The following EMCN variants were observed in gnomAD, a reference collection of about 807,000 sequenced individuals.
The protein encoded by EMCN is MUC-14.
Under a neutral mutation model 38.4 loss-of-function variants are expected in EMCN, and 37 were observed. The ratio of observed to expected loss-of-function variants is 0.96; its 90% CI spans 0.74 to 1.27. The LOEUF (loss-of-function observed/expected upper bound fraction) is 1.27, where lower values mean the gene tolerates loss of function less well. Ranked by LOEUF, EMCN falls within the 50% of genes most tolerant of loss-of-function variation. EMCN has a pLI of 0.00. For synonymous variants in EMCN, 95 were observed against 100.8 expected, an observed-to-expected ratio of 0.94 and a Z score of 0.35; for missense variants, 318 against 302.8, an observed-to-expected ratio of 1.05 and a Z score of -0.37.
Position 100,417,899 on chromosome 4 carries a change from C to T in EMCN, c.665-758G>A, listed in dbSNP as rs960359748. ...GTTCCCCTTGTTGTGCTCCTTTGGT[C>T]TGGTTTTATTCCATTGCAGCTTCTG... On this transcript the variant is annotated intron_variant, in intron 8 of 11. Transcript: ENST00000296420. Among the ~76,000 whole-genome samples the T allele has an allele frequency of 5.9e-5, 9 of 152,276 alleles. No homozygotes were observed. The East Asian group carries it at 1.7e-3, about 29-fold the overall frequency.
Position 100,490,482 on chromosome 4 carries a change from A to T in EMCN, c.65-10443T>A, listed in dbSNP as rs144279749. 4.7e-4 allele frequency among the ~76,000 whole-genome samples: 71 copies of T among 152,236 alleles called. 1 individual carries two copies. Among genetic ancestry groups the T allele is most frequent in the African/African-American group, 1.6e-3 (66 of 41,556 alleles). On this transcript the variant is annotated intron_variant, in intron 1 of 11. Coordinates refer to ENST00000296420, the MANE Select transcript of EMCN (RefSeq NM_016242.4). Reference sequence around the variant, plus strand: ...CTTCACATTCACTGGCCACTCACTCACTGACTCACCCAGGGCAACTTCCAG... The same window carrying T: ...CTTCACATTCACTGGCCACTCACTCTCTGACTCACCCAGGGCAACTTCCAG...
At chr4:100,421,095 G>A (rs34038967) in intron 8 of EMCN, among the ~76,000 whole-genome samples, 187 bp downstream of exon 8, 24,647 of 151,858 alleles carry the variant, frequency 0.16, 2,576 homozygotes, top group African/African-American at 0.29. Context: ...ATAGTATTTA[G>A]TTCCCACTCT....
chr4:100,401,508 T>C (rs774650449), intron 11 of EMCN, among the ~76,000 whole-genome samples: 1 of 152,164 alleles, frequency 6.6e-6, no homozygotes, highest in Non-Finnish European at 1.5e-5. Flanking sequence ...TCCACCTCCA[T>C]GAATACAGAG....
intron 2 of EMCN, among the ~76,000 whole-genome samples, chr4:100,477,441 C>T (rs751921718): frequency 6.6e-6 from 1 of 152,180 alleles, no homozygotes; most frequent in Non-Finnish European, 1.5e-5. Context: ...GGGTGAATCT[C>T]TGAGAGCAAG....
intron 5 of EMCN, 85 bp downstream of exon 5, chr4:100,447,448 C>G: frequency 1.1e-6 from 1 of 940,590 alleles, no homozygotes; most frequent in South Asian, 1.4e-5. Flanking sequence ...TCTCCCTGCC[C>G]CCAAACTGAT....
chr4:100,471,564 A>C (rs112268854), intron 3 of EMCN, among the ~76,000 whole-genome samples: 2 of 152,070 alleles, frequency 1.3e-5, no homozygotes, highest in Non-Finnish European at 2.9e-5. Flanking sequence ...TTAGTAGAGA[A>C]GGGAACACTT....
intron 5 of EMCN, among the ~76,000 whole-genome samples, chr4:100,444,733 C>T (rs6850667): frequency 0.41 from 61,779 of 151,822 alleles, 13,389 homozygotes; most frequent in East Asian, 0.77. Flanking sequence ...TGCATACTCA[C>T]GCTTGGAGCA....
chr4:100,515,667 T>C (rs1390623893), intron 1 of EMCN, among the ~76,000 whole-genome samples: 1 of 152,062 alleles, frequency 6.6e-6, no homozygotes, highest in Non-Finnish European at 1.5e-5. Context: ...AATGCCTCCC[T>C]CCTCACCCCC....
intron 1 of EMCN, among the ~76,000 whole-genome samples, chr4:100,497,851 T>C (rs1462987222): frequency 6.6e-6 from 1 of 152,128 alleles, no homozygotes; most frequent in Non-Finnish European, 1.5e-5. Flanking sequence ...CATAAAAATT[T>C]AGTAAAATAG....
intron 3 of EMCN, among the ~76,000 whole-genome samples, chr4:100,469,003 T>C (rs1342288619): frequency 6.6e-6 from 1 of 151,882 alleles, no homozygotes; most frequent in Non-Finnish European, 1.5e-5. Flanking sequence ...GCTACAGTAA[T>C]CCAAACAGTA....
chr4:100,415,547 C>A (rs1056067791), intron 10 of EMCN, among the ~76,000 whole-genome samples: 1 of 152,032 alleles, frequency 6.6e-6, no homozygotes, highest in Non-Finnish European at 1.5e-5. Context: ...TGACCATATG[C>A]GACTACATAG....
chr4:100,492,532 T>G (rs946317153), intron 1 of EMCN, among the ~76,000 whole-genome samples: 1 of 151,968 alleles, frequency 6.6e-6, no homozygotes, highest in African/African-American at 2.4e-5. Flanking sequence ...GGGGGAAAAT[T>G]TTAACATTCA....
chr4:100,462,204 G>A (rs954642848), intron 4 of EMCN, among the ~76,000 whole-genome samples: 1 of 152,134 alleles, frequency 6.6e-6, no homozygotes, highest in East Asian at 1.9e-4. Context: ...ATGGACAACA[G>A]TAAATACGCT....
chr4:100,450,663 C>T (rs1276171358), intron 4 of EMCN, among the ~76,000 whole-genome samples: 2 of 151,894 alleles, frequency 1.3e-5, no homozygotes, highest in Admixed American at 6.6e-5. Context: ...TAAACCATGA[C>T]GTCTGACTAA....
At chr4:100,485,698 C>T (rs1728922999) in intron 1 of EMCN, among the ~76,000 whole-genome samples, 1 of 151,936 alleles carries the variant, frequency 6.6e-6, no homozygotes, top group Admixed American at 6.6e-5. Flanking sequence ...AGACCTGGCA[C>T]CAACTTCTTT....
intron 4 of EMCN, 61 bp downstream of exon 4, chr4:100,465,362 T>G: frequency 1.1e-6 from 1 of 931,458 alleles, no homozygotes. Context: ...TGGAAAACAT[T>G]CTGAAACTAG....
intron 5 of EMCN, among the ~76,000 whole-genome samples, chr4:100,423,904 A>C (rs1481616761): frequency 6.6e-6 from 1 of 152,118 alleles, no homozygotes; most frequent in African/African-American, 2.4e-5. Flanking sequence ...AAATCAAAGA[A>C]GACTCCTTCA....
chr4:100,437,082 A>T (rs955017222), intron 5 of EMCN, among the ~76,000 whole-genome samples: 4 of 152,196 alleles, frequency 2.6e-5, no homozygotes, highest in African/African-American at 9.7e-5. Context: ...TACCCTTGCC[A>T]AAATGTGTTA....
intron 5 of EMCN, among the ~76,000 whole-genome samples, chr4:100,439,572 T>C (rs1727454352): frequency 6.6e-6 from 1 of 151,498 alleles, no homozygotes; most frequent in Non-Finnish European, 1.5e-5. Context: ...TTTTTTATTT[T>C]TTGAAAGCAC....
Sources: gnomAD v4.1 joint callset for allele counts (sites outside exome capture counted in the v4.1 genomes callset) on GRCh38, gnomAD v4.1.1 for gene constraint, MANE v1.5 for transcripts, NCBI Gene and HGNC (gene_info 2026-07-23, HGNC 2026-07-21) for gene names.